Variants in CCDC178 observed in about 807,000 individuals in gnomAD.
The protein encoded by CCDC178 is coiled-coil domain-containing protein 178.
A neutral mutation model predicts 117.4 loss-of-function variants in CCDC178; 126 were observed. The ratio of observed to expected loss-of-function variants is 1.07; its 90% CI spans 0.93 to 1.24. CCDC178 has a LOEUF of 1.24. Ranked by LOEUF, CCDC178 falls within the 50% of genes most tolerant of loss-of-function variation. The pLI is 0.00. For missense variants in CCDC178, 1,030 were observed against 986.9 expected (o/e 1.04, Z -0.59); for synonymous variants, 283 against 313.4 (o/e 0.90, Z 1.02).
chr18:33,014,712 A>T (rs1369840694), intron 21 of CCDC178, among the ~76,000 whole-genome samples: 5 of 152,236 alleles, frequency 3.3e-5, no homozygotes, highest in African/African-American at 7.2e-5. Flanking sequence ...CATTTAAAAA[A>T]TATTTGTCAA....
intron 20 of CCDC178, among the ~76,000 whole-genome samples, chr18:33,094,561 A>G (rs889833496): frequency 6.6e-6 from 1 of 151,882 alleles, no homozygotes; most frequent in Non-Finnish European, 1.5e-5. Flanking sequence ...TTCCATTTCT[A>G]GGTGGCTACT....
At chr18:33,053,109 A>G (rs2056771919) in intron 21 of CCDC178, among the ~76,000 whole-genome samples, 1 of 152,232 alleles carries the variant, frequency 6.6e-6, no homozygotes, top group African/African-American at 2.4e-5. Flanking sequence ...AAATATTAGC[A>G]AGAGCAATGT....
intron 8 of CCDC178, among the ~76,000 whole-genome samples, chr18:33,348,049 T>C (rs995605124): frequency 1.3e-5 from 2 of 152,166 alleles, no homozygotes; most frequent in East Asian, 3.9e-4. Flanking sequence ...GTAGTTGTGA[T>C]TGTTAATATA....
At chr18:32,950,050 CA>C (rs1387684739) in intron 22 of CCDC178, among the ~76,000 whole-genome samples, 1 of 152,146 alleles carries the variant, frequency 6.6e-6, no homozygotes, top group Non-Finnish European at 1.5e-5. Flanking sequence ...ACAAACATGT[CA>C]TATGTAACAA....
At chr18:33,169,741 A>AAAATGC (rs1423299068) in intron 20 of CCDC178, among the ~76,000 whole-genome samples, 1 of 152,184 alleles carries the variant, frequency 6.6e-6, no homozygotes, top group African/African-American at 2.4e-5. Context: ...AATAGTGAAA[A>AAAATGC]AAATGCTCTG....
At chr18:33,195,388 G>C (rs759443194) in intron 20 of CCDC178, among the ~76,000 whole-genome samples, 40 of 152,044 alleles carry the variant, frequency 2.6e-4, no homozygotes, top group South Asian at 8.3e-4. Context: ...AGGACCAGTA[G>C]TGATACAAAA....
chr18:33,233,930 A>C (rs557921869), intron 15 of CCDC178, among the ~76,000 whole-genome samples: 1 of 152,286 alleles, frequency 6.6e-6, no homozygotes, highest in South Asian at 2.1e-4. Context: ...AAGTAGAAAC[A>C]AAGTTCAGAT....
At chr18:33,297,781 C>T (rs897123584) in intron 11 of CCDC178, among the ~76,000 whole-genome samples, 15 of 152,122 alleles carry the variant, frequency 9.9e-5, no homozygotes, top group Non-Finnish European at 1.8e-4. Context: ...GTGGCTCACG[C>T]CTGTAATCCC....
chr18:33,319,093 T>G (rs886940771), intron 11 of CCDC178, among the ~76,000 whole-genome samples: 4 of 152,020 alleles, frequency 2.6e-5, no homozygotes, highest in African/African-American at 7.2e-5. Flanking sequence ...GCACAACGTG[T>G]AGGTTTCTTA....
intron 21 of CCDC178, among the ~76,000 whole-genome samples, chr18:33,049,850 A>T (rs2056713884): frequency 6.6e-6 from 1 of 151,618 alleles, no homozygotes; most frequent in African/African-American, 2.4e-5. Context: ...TGGGAGGCCG[A>T]GGGGGGTGGA....
At chr18:33,060,502 T>A (rs1452039676) in intron 21 of CCDC178, among the ~76,000 whole-genome samples, 1 of 152,128 alleles carries the variant, frequency 6.6e-6, no homozygotes, top group Non-Finnish European at 1.5e-5. Flanking sequence ...TGATGTCCTC[T>A]ACTTACTCTA....
At chr18:33,163,964 C>T (rs2058496523) in intron 20 of CCDC178, among the ~76,000 whole-genome samples, 1 of 152,232 alleles carries the variant, frequency 6.6e-6, no homozygotes, top group South Asian at 2.1e-4. Context: ...GCAATTCAAT[C>T]CATGGCTGAT....
chr18:33,178,144 C>G (rs1800397272), intron 20 of CCDC178, among the ~76,000 whole-genome samples: 1 of 151,974 alleles, frequency 6.6e-6, no homozygotes, highest in South Asian at 2.1e-4. Context: ...ACAACCCAAC[C>G]CAATCTTTTC....
intron 21 of CCDC178, among the ~76,000 whole-genome samples, chr18:33,048,359 T>TC (rs1459630318): frequency 1.3e-5 from 2 of 152,214 alleles, no homozygotes; most frequent in Non-Finnish European, 2.9e-5. Context: ...TAACTCAGTT[T>TC]CCTGGTAGTA....
intron 20 of CCDC178, among the ~76,000 whole-genome samples, chr18:33,174,505 G>A (rs932034409): frequency 2.0e-5 from 3 of 152,124 alleles, no homozygotes; most frequent in African/African-American, 7.2e-5. Flanking sequence ...TATGAATGAG[G>A]ACAGAGGATG....
chr18:32,986,789 G>T (rs1272374127), intron 21 of CCDC178, among the ~76,000 whole-genome samples: 1 of 151,866 alleles, frequency 6.6e-6, no homozygotes, highest in African/African-American at 2.4e-5. Flanking sequence ...GAGTATAAAA[G>T]AATCATGGAA....
intron 9 of CCDC178, among the ~76,000 whole-genome samples, chr18:33,344,470 T>C (rs958648866): frequency 1.3e-5 from 2 of 152,152 alleles, no homozygotes; most frequent in Admixed American, 6.5e-5. Flanking sequence ...TTGTCACCCA[T>C]AACAAATATT....
chr18:33,155,003 A>G (rs1050615998), intron 20 of CCDC178, among the ~76,000 whole-genome samples: 7 of 152,176 alleles, frequency 4.6e-5, no homozygotes, highest in African/African-American at 1.7e-4. Context: ...GAAGTTGTAG[A>G]AAAGAACAAT....
chr18:33,248,820 T>C (rs2059581409), intron 14 of CCDC178, among the ~76,000 whole-genome samples: 3 of 152,252 alleles, frequency 2.0e-5, no homozygotes, highest in South Asian at 4.1e-4. Flanking sequence ...TTTCTAGTTC[T>C]AGATGCTTGA....
Sources: allele counts gnomAD v4.1 joint callset (sites outside exome capture counted in the v4.1 genomes callset), GRCh38; gene constraint gnomAD v4.1.1; transcripts MANE v1.5; gene names NCBI Gene and HGNC (gene_info 2026-07-23, HGNC 2026-07-21).